The following RCAN2 variants were observed in gnomAD, a reference collection of about 807,000 sequenced individuals.
RCAN2 encodes the protein calcipressin-2.
RCAN2 carries 9 observed loss-of-function variants against 23.6 expected under a neutral mutation model. That is an observed-to-expected ratio of 0.38 (90% confidence interval 0.23 to 0.67). RCAN2 has a LOEUF of 0.67. Ranked by LOEUF, RCAN2 falls within the 30% of genes least tolerant of loss-of-function variation. The pLI is 0.51. For missense variants in RCAN2, 273 were observed against 302.3 expected (o/e 0.90, Z 0.72); for synonymous variants, 109 against 115.7 (o/e 0.94, Z 0.37).
At chr6:46,352,495 CT>C (rs1459989509) in intron 2 of RCAN2, among the ~76,000 whole-genome samples, 2 of 152,170 alleles carry the variant, frequency 1.3e-5, no homozygotes, top group African/African-American at 4.8e-5. Context: ...TCATCGGCCT[CT>C]CCCCTTGGCT....
At position 46,371,234 on chromosome 6, in the gene RCAN2, C is replaced by T. The variant is rs138678887; in HGVS notation, c.225+85518G>A. ...ATCAGATGTCACTTTACCTCCTCAA[C>T]GGTGAGTAGAGGGGTAGAGAGAGGC... is the stretch of plus-strand genomic sequence containing the variant. On this transcript the variant is annotated intron_variant, in intron 2 of 4. Transcript: ENST00000371374. 6.5e-4 allele frequency among the ~76,000 whole-genome samples: 99 copies of T among 152,236 alleles called. 1 individual carries two copies. In the East Asian group the frequency reaches 0.013, roughly 19 times the overall value.
chr6:46,314,359 C>CAAAAA (rs537111154), intron 2 of RCAN2, among the ~76,000 whole-genome samples: 60 of 91,858 alleles, frequency 6.5e-4, no homozygotes, highest in East Asian at 1.2e-3. Flanking sequence ...GAGACTCTGT[C>CAAAAA]AAAAAAAAAA....
chr6:46,446,549 A>T (rs1421092402), intron 2 of RCAN2, among the ~76,000 whole-genome samples: 2 of 152,190 alleles, frequency 1.3e-5, no homozygotes, highest in Non-Finnish European at 2.9e-5. Flanking sequence ...ACACAGTCAA[A>T]TTCAGAATAC....
rs186398008 is a variant in RCAN2 at position 46,224,928 on chromosome 6, C to A, written c.572-1627G>T. ...ACATATCTCCTAATGCTATCCCTCC[C>A]CCCCTTCCCCCACCCCATGACAGGC... is the stretch of plus-strand genomic sequence containing the variant. On this transcript the variant is annotated intron_variant, in intron 4 of 4. Coordinates refer to ENST00000371374, the MANE Select transcript of RCAN2 (RefSeq NM_001251974.2). Among the ~76,000 whole-genome samples, 157 of 152,004 alleles carry A rather than the reference C, an allele frequency of 1.0e-3. 1 individual carries two copies. In the East Asian group the frequency reaches 0.024, roughly 23 times the overall value.
intron 2 of RCAN2, among the ~76,000 whole-genome samples, chr6:46,318,449 T>C (rs1763512226): frequency 6.6e-6 from 1 of 152,204 alleles, no homozygotes; most frequent in Non-Finnish European, 1.5e-5. Flanking sequence ...ATAACTGTTG[T>C]AGTACTAGAC....
chr6:46,241,701 C>G (rs149730849), intron 4 of RCAN2, among the ~76,000 whole-genome samples: 236 of 152,282 alleles, frequency 1.5e-3, no homozygotes, highest in African/African-American at 5.2e-3. Flanking sequence ...ACTCTTCTTG[C>G]CAGTGGCAGA....
At chr6:46,463,227 G>A (rs1415210051) in intron 1 of RCAN2, among the ~76,000 whole-genome samples, 2 of 152,222 alleles carry the variant, frequency 1.3e-5, no homozygotes, top group African/African-American at 4.8e-5. Context: ...AGAGACAGAT[G>A]CATGATAAGA....
At chr6:46,463,087 A>G (rs9472755) in intron 1 of RCAN2, among the ~76,000 whole-genome samples, 77,775 of 151,990 alleles carry the variant, frequency 0.51, 20,203 homozygotes, top group East Asian at 0.61. Context: ...GTGACCAGAA[A>G]GGGTTGGGTG....
At chr6:46,444,173 A>G (rs1194877310) in intron 2 of RCAN2, among the ~76,000 whole-genome samples, 1 of 152,156 alleles carries the variant, frequency 6.6e-6, no homozygotes, top group East Asian at 1.9e-4. Context: ...GACACAAAAT[A>G]TTTTACAATT....
intron 2 of RCAN2, among the ~76,000 whole-genome samples, chr6:46,386,882 T>C (rs568834697): frequency 1.3e-5 from 2 of 152,224 alleles, no homozygotes; most frequent in East Asian, 3.9e-4. Context: ...CAAAACAGCA[T>C]GGTACTGGTA....
At chr6:46,251,446 TA>T (rs1467062930) in intron 2 of RCAN2, among the ~76,000 whole-genome samples, 3 of 152,222 alleles carry the variant, frequency 2.0e-5, no homozygotes, top group African/African-American at 7.2e-5. Context: ...TAGAGTATAA[TA>T]TTTTTTTAAG....
At chr6:46,358,118 T>C (rs192649605) in intron 2 of RCAN2, among the ~76,000 whole-genome samples, 2 of 152,340 alleles carry the variant, frequency 1.3e-5, no homozygotes, top group Admixed American at 6.5e-5. Context: ...GCCCTAGGTC[T>C]AGAATGACAT....
chr6:46,284,436 A>T (rs2150341011), intron 2 of RCAN2, among the ~76,000 whole-genome samples: 1 of 152,322 alleles, frequency 6.6e-6, no homozygotes, highest in South Asian at 2.1e-4. Flanking sequence ...GAAGGGAATG[A>T]CTTGCAAACA....
chr6:46,468,708 G>A (rs1488776693), intron 1 of RCAN2: 4 of 605,042 alleles, frequency 6.6e-6, no homozygotes, highest in South Asian at 1.4e-4. Flanking sequence ...CGAGACAAAT[G>A]GAATGTAATA....
At chr6:46,411,789 C>T (rs563570111) in intron 2 of RCAN2, among the ~76,000 whole-genome samples, 3 of 152,134 alleles carry the variant, frequency 2.0e-5, no homozygotes, top group South Asian at 2.1e-4. Context: ...GGAAGAAAGA[C>T]CAGTTGGTTC....
chr6:46,409,763 GAT>G (rs1377259607), intron 2 of RCAN2, among the ~76,000 whole-genome samples: 2 of 152,024 alleles, frequency 1.3e-5, no homozygotes, highest in African/African-American at 2.4e-5. Flanking sequence ...TCAAAGTTTT[GAT>G]ATATGAGTTT....
chr6:46,275,368 A>T (rs943723077), intron 2 of RCAN2, among the ~76,000 whole-genome samples: 105 of 152,312 alleles, frequency 6.9e-4, no homozygotes, highest in African/African-American at 2.5e-3. Context: ...CCCTGAGCCA[A>T]TTGCCTTTGA....
chr6:46,245,914 C>T (rs1224158268), intron 4 of RCAN2, among the ~76,000 whole-genome samples: 2 of 152,084 alleles, frequency 1.3e-5, no homozygotes, highest in Non-Finnish European at 2.9e-5. Context: ...TGGTTTCAGC[C>T]CCTTCAATTT....
chr6:46,374,525 T>C (rs1203858075), intron 2 of RCAN2, among the ~76,000 whole-genome samples: 2 of 152,236 alleles, frequency 1.3e-5, no homozygotes, highest in Non-Finnish European at 2.9e-5. Context: ...CACAAATGAA[T>C]GGTTAAAATA....
Sources: gnomAD v4.1 joint callset for allele counts (sites outside exome capture counted in the v4.1 genomes callset) on GRCh38, gnomAD v4.1.1 for gene constraint, MANE v1.5 for transcripts, NCBI Gene and HGNC (gene_info 2026-07-23, HGNC 2026-07-21) for gene names.